The following CATSPERE variants were observed in gnomAD, a reference collection of about 807,000 sequenced individuals.
The protein encoded by CATSPERE is catsper channel auxiliary subunit epsilon, also known as cation channel sperm-associated auxiliary subunit epsilon.
A neutral mutation model predicts 114.1 loss-of-function variants in CATSPERE; 93 were observed. The ratio of observed to expected loss-of-function variants is 0.81; its 90% confidence interval spans 0.69 to 0.97. CATSPERE has a LOEUF of 0.97. CATSPERE is among the 50% of genes least tolerant of loss of function. CATSPERE has a pLI of 0.00. For missense variants in CATSPERE, 1,058 were observed against 1,131.6 expected, an observed-to-expected ratio of 0.93 and a Z score of 0.93; for synonymous variants, 341 against 384.1, an observed-to-expected ratio of 0.89 and a Z score of 1.31.
At chr1:244,553,337 A>C (rs1192958574) in intron 9 of CATSPERE, among the ~76,000 whole-genome samples, 1 of 151,792 alleles carries the variant, frequency 6.6e-6, no homozygotes. Flanking sequence ...CGAGGCGGGC[A>C]GATCACAATG....
intron 17 of CATSPERE, among the ~76,000 whole-genome samples, chr1:244,603,502 C>T (rs1669549412): frequency 6.6e-6 from 1 of 152,052 alleles, no homozygotes; most frequent in Non-Finnish European, 1.5e-5. Flanking sequence ...CTTATATAGA[C>T]AAGTATTTTT....
At chr1:244,529,950 C>T (rs1337462006) in intron 8 of CATSPERE, among the ~76,000 whole-genome samples, 1 of 151,990 alleles carries the variant, frequency 6.6e-6, no homozygotes, top group Non-Finnish European at 1.5e-5. Flanking sequence ...TTTCCCAGCA[C>T]CATTTTTGTT....
intron 21 of CATSPERE, among the ~76,000 whole-genome samples, chr1:244,636,139 G>A (rs140450095): frequency 6.6e-6 from 1 of 152,264 alleles, no homozygotes; most frequent in Non-Finnish European, 1.5e-5. Context: ...TCATTCTGAT[G>A]CATTTAGGAA....
At chr1:244,574,673 CAG>C (rs2148585365) in intron 11 of CATSPERE, among the ~76,000 whole-genome samples, 1 of 152,178 alleles carries the variant, frequency 6.6e-6, no homozygotes, top group South Asian at 2.1e-4. Flanking sequence ...AATTATTTGG[CAG>C]AGTGTTCAGT....
At chr1:244,537,904 T>A (rs528582896) in intron 8 of CATSPERE, among the ~76,000 whole-genome samples, 1 of 152,352 alleles carries the variant, frequency 6.6e-6, no homozygotes, top group South Asian at 2.1e-4. Context: ...CTTACTGATT[T>A]TCTGCCTGCT....
At chr1:244,479,078 C>G (rs1381598071) in intron 4 of CATSPERE, among the ~76,000 whole-genome samples, 1 of 151,064 alleles carries the variant, frequency 6.6e-6, no homozygotes, top group Non-Finnish European at 1.5e-5. Flanking sequence ...TAAGGGACTC[C>G]CTTTCCTTTT....
At chr1:244,510,365 G>A (rs757711922) in intron 7 of CATSPERE, among the ~76,000 whole-genome samples, 20 of 151,936 alleles carry the variant, frequency 1.3e-4, no homozygotes, top group African/African-American at 2.2e-4. Flanking sequence ...ATTTCCATGC[G>A]TTCTTTTCTT....
intron 7 of CATSPERE, among the ~76,000 whole-genome samples, chr1:244,516,197 T>TAAC (rs1183808389): frequency 1.7e-5 from 2 of 118,132 alleles, no homozygotes; most frequent in African/African-American, 4.6e-5. Context: ...TCTCAAATAA[T>TAAC]AATAATAATA....
chr1:244,493,646 C>T (rs915426672), intron 6 of CATSPERE, among the ~76,000 whole-genome samples: 7 of 152,104 alleles, frequency 4.6e-5, no homozygotes, highest in Non-Finnish European at 1.0e-4. Context: ...AAGAAACTAC[C>T]ATCAGAGTGA....
chr1:244,520,742 G>A (rs1186633549), intron 8 of CATSPERE, among the ~76,000 whole-genome samples: 1 of 152,126 alleles, frequency 6.6e-6, no homozygotes, highest in African/African-American at 2.4e-5. Context: ...TGAATCCAGG[G>A]AGCCAAGCAG....
intron 20 of CATSPERE, among the ~76,000 whole-genome samples, chr1:244,629,617 A>G (rs1226219554): frequency 6.9e-6 from 1 of 145,080 alleles, no homozygotes. Context: ...TACAGGTGTG[A>G]GCCAGCAGGC....
intron 20 of CATSPERE, among the ~76,000 whole-genome samples, chr1:244,630,971 C>CAT (rs1673867780): frequency 6.6e-6 from 1 of 152,100 alleles, no homozygotes; most frequent in South Asian, 2.1e-4. Flanking sequence ...TTTTTCTATA[C>CAT]ATATTCTTAG....
intron 7 of CATSPERE, among the ~76,000 whole-genome samples, chr1:244,508,985 C>CACAAAA (rs1675270026): frequency 7.2e-6 from 1 of 138,720 alleles, no homozygotes. Flanking sequence ...CTTCCCCCAC[C>CACAAAA]AAAAAAAAAA....
At position 244,617,618 on chromosome 1, in the gene CATSPERE, T is replaced by C. The variant is rs1308851228; in HGVS notation, c.2580T>C (p.His860=). 2 of 1,545,402 alleles carry C rather than the reference T, an allele frequency of 1.3e-6. No individual in the cohort carries two copies. The highest frequency in any genetic ancestry group is 1.7e-6 in the Non-Finnish European group (2 of 1,145,456). The stretch of plus-strand genomic sequence containing the variant: ...TTATCAACAGTTCTAATGGTAACCA[T>C]ATATTTTGGCCCATGGGCCATTCTG... ...YEIINSSNGN[H]IFWPMGHSGM... is the part of the protein sequence containing the mutation. The change falls in exon 20 of 22, where the codon CAT becomes CAC. Residue 860 remains histidine, a synonymous_variant. Coordinates refer to ENST00000366534, the MANE Select transcript of CATSPERE (RefSeq NM_001130957.2).
chr1:244,458,904 A>T (rs964615799), upstream of CATSPERE, among the ~76,000 whole-genome samples: 2 of 152,122 alleles, frequency 1.3e-5, no homozygotes, highest in Admixed American at 6.5e-5. Context: ...ATTAAAGCCC[A>T]TTGGGGAATC....
At chr1:244,498,159 C>T (rs1156773107) in intron 6 of CATSPERE, among the ~76,000 whole-genome samples, 1 of 152,054 alleles carries the variant, frequency 6.6e-6, no homozygotes, top group Non-Finnish European at 1.5e-5. Flanking sequence ...TGTAGTTCCT[C>T]CATAATTTAG....
chr1:244,519,131 G>A (rs909646310), intron 8 of CATSPERE, among the ~76,000 whole-genome samples: 2 of 152,114 alleles, frequency 1.3e-5, no homozygotes, highest in African/African-American at 4.8e-5. Context: ...AGTCTATTAA[G>A]CACCTAGACA....
chr1:244,637,254 C>T (rs1428437940), intron 21 of CATSPERE, among the ~76,000 whole-genome samples: 1 of 152,196 alleles, frequency 6.6e-6, no homozygotes, highest in African/African-American at 2.4e-5. Context: ...TGTCTGTCCT[C>T]ATCACCATGT....
intron 7 of CATSPERE, among the ~76,000 whole-genome samples, chr1:244,511,321 A>G (rs1675722580): frequency 6.6e-6 from 1 of 152,134 alleles, no homozygotes; most frequent in Non-Finnish European, 1.5e-5. Flanking sequence ...AACTTTTTAT[A>G]TGCCTTCACT....
Sources: allele counts gnomAD v4.1 joint callset (sites outside exome capture counted in the v4.1 genomes callset), GRCh38; gene constraint gnomAD v4.1.1; transcripts MANE v1.5; gene names NCBI Gene and HGNC (gene_info 2026-07-23, HGNC 2026-07-21).